CUL5: variants seen among roughly 807,000 people sequenced by gnomAD.
CUL5 encodes cullin 5.
In CUL5, 26 loss-of-function variants were observed where a neutral mutation model predicts 108.8. The observed-to-expected ratio is 0.24, with a 90% CI of 0.18 to 0.33. The LOEUF (loss-of-function observed/expected upper bound fraction) is 0.33. Among genes scored for constraint, CUL5 ranks in the 10% least tolerant of loss-of-function variants. CUL5 has a pLI of 1.00. For synonymous variants in CUL5, 334 were observed against 298.0 expected (o/e 1.12, Z -1.25); for missense variants, 524 against 909.2 (o/e 0.58, Z 5.45).
At chr11:108,029,981 G>C (rs3781871) in intron 1 of CUL5, among the ~76,000 whole-genome samples, 16,083 of 152,172 alleles carry the variant, frequency 0.11, 1,255 homozygotes, top group East Asian at 0.34. Context: ...CTCTTGTTAA[G>C]AAGGTATTCT....
rs975215242 is a variant in CUL5, at chr11:108,106,934, A to T, written c.*2550A>T. The T allele has an allele frequency of 6.6e-6, 1 of 151,040 alleles. No homozygotes were observed. The allele number at this position is 151,040 out of a possible 1,614,324, so 9.4% of individuals were successfully genotyped here. A position where few individuals can be genotyped will look rare whatever the true frequency, so the allele number is the denominator to read the frequency against. On this transcript the variant is annotated 3_prime_UTR_variant, in exon 19 of 19. Transcript: ENST00000393094. ...CTCTGAATACCCATCTTCTAGTTTA[A>T]AGACAGAGACATCCCATCTGGAAAA... is the stretch of plus-strand genomic sequence containing the variant.
chr11:108,040,164 C>T (rs7935911), intron 2 of CUL5, among the ~76,000 whole-genome samples: 90,490 of 152,108 alleles, frequency 0.59, 28,376 homozygotes, highest in East Asian at 0.9. Flanking sequence ...AAAAGATTTA[C>T]CTTATAGCAT....
At chr11:108,053,944 C>G (rs750108708) in intron 5 of CUL5, among the ~76,000 whole-genome samples, 1 of 152,050 alleles carries the variant, frequency 6.6e-6, no homozygotes, top group Non-Finnish European at 1.5e-5. Context: ...TTCCCAAGTT[C>G]AAGCAATTTT....
intron 1 of CUL5, among the ~76,000 whole-genome samples, chr11:108,029,091 T>G (rs984923302): frequency 6.6e-6 from 1 of 152,226 alleles, no homozygotes; most frequent in African/African-American, 2.4e-5. Context: ...TAGAATACCC[T>G]TTTTCCAGGT....
At chr11:108,059,835 G>T (rs186214865) in intron 7 of CUL5, among the ~76,000 whole-genome samples, 2 of 150,664 alleles carry the variant, frequency 1.3e-5, no homozygotes, top group Admixed American at 1.3e-4. Context: ...AGTAAGGAGA[G>T]ATCACACCAT....
rs527637858 is a variant in CUL5 at position 108,106,800 on chromosome 11, T to C, written c.*2416T>C. 9 of 145,480 alleles carry C rather than the reference T, an allele frequency of 6.2e-5. 1 individual carries two copies. In the South Asian group the frequency reaches 2.0e-3, roughly 32 times the overall value. The allele number at this position is 145,480 out of a possible 1,614,324, so 9.0% of individuals were successfully genotyped here. ...ATTGGTGCCGAGCAGGGATATAACC[T>C]GCAGTTAAGTGAAAAGAAAATCCAG... On this transcript the variant is annotated 3_prime_UTR_variant, in exon 19 of 19. Transcript: ENST00000393094.
At chr11:108,026,056 CTT>C (rs1448931123) in intron 1 of CUL5, among the ~76,000 whole-genome samples, 3 of 152,198 alleles carry the variant, frequency 2.0e-5, no homozygotes, top group African/African-American at 7.2e-5. Context: ...GCAGAAGTCT[CTT>C]TCTCTTTTCA....
At chr11:108,096,973 C>T (rs1265205711) in intron 16 of CUL5, among the ~76,000 whole-genome samples, 1 of 152,146 alleles carries the variant, frequency 6.6e-6, no homozygotes, top group African/African-American at 2.4e-5. Context: ...CATTAGCCCC[C>T]TGCTCACAAC....
chr11:108,034,663 A>T (rs1862684228), intron 2 of CUL5, among the ~76,000 whole-genome samples: 1 of 152,164 alleles, frequency 6.6e-6, no homozygotes, highest in African/African-American at 2.4e-5. Context: ...TTTCAGGACT[A>T]GTTGTGAAAA....
intron 10 of CUL5, among the ~76,000 whole-genome samples, chr11:108,077,187 T>C (rs1427145358): frequency 6.6e-6 from 1 of 152,208 alleles, no homozygotes; most frequent in Non-Finnish European, 1.5e-5. Context: ...TCGTCTTTCA[T>C]GAGAAGGGAG....
intron 12 of CUL5, among the ~76,000 whole-genome samples, chr11:108,089,147 G>A (rs577416371): frequency 6.6e-6 from 1 of 152,110 alleles, no homozygotes; most frequent in Admixed American, 6.5e-5. Flanking sequence ...AAGGCCGAGA[G>A]AGATGACTAG....
intron 1 of CUL5, among the ~76,000 whole-genome samples, chr11:108,010,957 G>A (rs1368127246): frequency 5.9e-5 from 9 of 152,126 alleles, no homozygotes; most frequent in Non-Finnish European, 5.9e-5. Flanking sequence ...AGAGGTTATA[G>A]TTAACTATGA....
chr11:108,036,008 A>G (rs1862733844), intron 2 of CUL5, among the ~76,000 whole-genome samples: 1 of 152,192 alleles, frequency 6.6e-6, no homozygotes, highest in Non-Finnish European at 1.5e-5. Context: ...AGACTGTCCT[A>G]AGTCCTTTTT....
At chr11:108,076,912 G>C (rs946197111) in intron 10 of CUL5, among the ~76,000 whole-genome samples, 3 of 152,232 alleles carry the variant, frequency 2.0e-5, no homozygotes, top group Non-Finnish European at 2.9e-5. Flanking sequence ...TTTTTGGAGA[G>C]ATGGTTGCAG....
At chr11:108,017,646 T>TC (rs1306872480) in intron 1 of CUL5, among the ~76,000 whole-genome samples, 1 of 152,122 alleles carries the variant, frequency 6.6e-6, no homozygotes, top group Non-Finnish European at 1.5e-5. Flanking sequence ...GCCCAGGAGT[T>TC]CAAGACCAGT....
At chr11:108,082,064 A>G (rs1864100941) in intron 11 of CUL5, among the ~76,000 whole-genome samples, 1 of 152,190 alleles carries the variant, frequency 6.6e-6, no homozygotes, top group Non-Finnish European at 1.5e-5. Context: ...CAATTATGAA[A>G]ATGGAATTTC....
chr11:108,058,966 A>C (rs1019587674), intron 7 of CUL5, among the ~76,000 whole-genome samples: 1 of 152,196 alleles, frequency 6.6e-6, no homozygotes, highest in Non-Finnish European at 1.5e-5. Flanking sequence ...AAGTAACACA[A>C]CCATAAGAAA....
chr11:108,057,826 C>T (rs183042886), intron 7 of CUL5, among the ~76,000 whole-genome samples: 18 of 152,216 alleles, frequency 1.2e-4, no homozygotes, highest in African/African-American at 4.3e-4. Context: ...GATAGTTGTA[C>T]TATAGTTATG....
intron 11 of CUL5, among the ~76,000 whole-genome samples, chr11:108,079,430 G>A (rs1864017672): frequency 6.6e-6 from 1 of 152,068 alleles, no homozygotes; most frequent in Admixed American, 6.6e-5. Flanking sequence ...TAATGAAAAT[G>A]TTCAAACTTA....
Sources: allele counts gnomAD v4.1 joint callset (sites outside exome capture counted in the v4.1 genomes callset), GRCh38; gene constraint gnomAD v4.1.1; transcripts MANE v1.5; gene names NCBI Gene and HGNC (gene_info 2026-07-23, HGNC 2026-07-21).